Variants in MYOM2 observed in about 807,000 individuals in gnomAD.
MYOM2 encodes myomesin 2, also known as myomesin-2.
MYOM2 carries 254 observed loss-of-function variants against 187.6 expected under a neutral mutation model. The observed-to-expected ratio is 1.35, with a 90% CI of 1.22 to 1.50. MYOM2 has a LOEUF of 1.50. MYOM2 is among the 40% of genes most tolerant of loss of function. MYOM2 has a pLI of 0.00. For synonymous variants in MYOM2, 981 were observed against 753.8 expected, an observed-to-expected ratio of 1.30 and a Z score of -4.94; for missense variants, 2,796 against 1,924.0, an observed-to-expected ratio of 1.45 and a Z score of -8.48.
intron 14 of MYOM2, among the ~76,000 whole-genome samples, chr8:2,086,899 C>T (rs370863773): frequency 1.8e-4 from 28 of 152,112 alleles, no homozygotes; most frequent in Admixed American, 9.8e-4. Context: ...GCACACAAGA[C>T]GCAGAAGGGT....
intron 6 of MYOM2, among the ~76,000 whole-genome samples, chr8:2,066,325 C>T (rs1819018616): frequency 6.6e-6 from 1 of 152,176 alleles, no homozygotes; most frequent in Non-Finnish European, 1.5e-5. Context: ...TCAGCAGATT[C>T]CGATCAAGCA....
intron 31 of MYOM2, among the ~76,000 whole-genome samples, chr8:2,127,021 G>C (rs1222110191): frequency 6.6e-6 from 1 of 151,792 alleles, no homozygotes; most frequent in East Asian, 1.9e-4. Flanking sequence ...TAGAGGCTGG[G>C]GGAGCTGCTT....
intron 31 of MYOM2, chr8:2,127,809 G>GGC (rs1797709409): frequency 6.3e-6 from 1 of 158,858 alleles, no homozygotes; most frequent in Non-Finnish European, 1.4e-5. Flanking sequence ...CAGCCGGAGA[G>GGC]AGCTTCACGC....
At chr8:2,100,625 G>A (rs569160862) in intron 19 of MYOM2, 3 of 496,622 alleles carry the variant, frequency 6.0e-6, no homozygotes, top group African/African-American at 1.9e-5. Flanking sequence ...CGAGAATGCA[G>A]TGTGGACTTC....
intron 3 of MYOM2, among the ~76,000 whole-genome samples, 172 bp downstream of exon 3, chr8:2,052,485 T>A (rs1000279573): frequency 2.6e-5 from 4 of 152,212 alleles, no homozygotes; most frequent in Admixed American, 1.3e-4. Flanking sequence ...TGCTTCTCTT[T>A]ACCATCATTA....
At chr8:2,129,386 G>A (rs1229618509) in intron 32 of MYOM2, among the ~76,000 whole-genome samples, 154 bp downstream of exon 32, 1 of 152,158 alleles carries the variant, frequency 6.6e-6, no homozygotes, top group African/African-American at 2.4e-5. Flanking sequence ...TTTAGCTCAG[G>A]GAAGGGGGCC....
At chr8:2,086,591 G>C (rs372490019) in intron 14 of MYOM2, among the ~76,000 whole-genome samples, 1 of 151,214 alleles carries the variant, frequency 6.6e-6, no homozygotes, top group Non-Finnish European at 1.5e-5. Flanking sequence ...ACCCTGCACC[G>C]TTGCTGGGGA....
At chr8:2,086,462 G>A (rs1305612751) in intron 14 of MYOM2, among the ~76,000 whole-genome samples, 7 of 147,860 alleles carry the variant, frequency 4.7e-5, no homozygotes, top group South Asian at 2.1e-4. Context: ...TGATCTCCAC[G>A]TGGCCACACA....
intron 17 of MYOM2, among the ~76,000 whole-genome samples, chr8:2,094,546 A>G (rs1006387074): frequency 6.6e-6 from 1 of 152,114 alleles, no homozygotes; most frequent in Non-Finnish European, 1.5e-5. Flanking sequence ...CAGCTACTCG[A>G]TAGGCTGAGG....
intron 14 of MYOM2, among the ~76,000 whole-genome samples, chr8:2,086,538 G>GGCCACACA (rs1796081909): frequency 1.2e-5 from 1 of 80,262 alleles, no homozygotes; most frequent in Non-Finnish European, 3.2e-5. Context: ...TGTCGTGTTT[G>GGCCACACA]CTGTGTTTTA....
chr8:2,050,712 T>C (rs143522808), intron 1 of MYOM2, 43 bp from the exon 2 acceptor site: 1 of 1,222,926 alleles, frequency 8.2e-7, no homozygotes, highest in Non-Finnish European at 1.2e-6. Context: ...GGCCTCATGA[T>C]GCTTGCGAGG....
At position 2,130,961 on chromosome 8, in the gene MYOM2, T is replaced by G. The variant is rs142697416; in HGVS notation, c.3800+1729T>G. Among the ~76,000 whole-genome samples the G allele has an allele frequency of 4.7e-3, 715 of 152,368 alleles. 13 individuals carry two copies. Among genetic ancestry groups the G allele is most frequent in the East Asian group, 0.044 (228 of 5,188 alleles). Reference sequence around the variant, plus strand: ...TCCTTCTTATTTACAGCATATTGTCTTGCTGTAAGTTGTACACACTTGCAA... The same window carrying G: ...TCCTTCTTATTTACAGCATATTGTCGTGCTGTAAGTTGTACACACTTGCAA... On this transcript the variant is annotated intron_variant, in intron 32 of 36. Coordinates refer to ENST00000262113, the MANE Select transcript of MYOM2 (RefSeq NM_003970.4).
chr8:2,057,998 G>GTTTTTTTTTTTTTTTTTT (rs572901199), intron 5 of MYOM2, among the ~76,000 whole-genome samples: 1 of 80,716 alleles, frequency 1.2e-5, no homozygotes, highest in African/African-American at 4.8e-5. Flanking sequence ...TTTTCAGAGG[G>GTTTTTTTTTTTTTTTTTT]TTTTTTTTTT....
intron 32 of MYOM2, among the ~76,000 whole-genome samples, chr8:2,131,091 C>T (rs1797849219): frequency 6.6e-6 from 1 of 152,126 alleles, no homozygotes; most frequent in African/African-American, 2.4e-5. Flanking sequence ...TGTGCTGGGT[C>T]TGGGGGGTAC....
intron 16 of MYOM2, 73 bp downstream of exon 16, chr8:2,092,593 G>T (rs1358254495): frequency 3.4e-6 from 5 of 1,483,910 alleles, no homozygotes; most frequent in Non-Finnish European, 2.7e-6. Flanking sequence ...CTGTGGCCCT[G>T]GCACAGGGAG....
chr8:2,059,075 C>A lies in MYOM2; in HGVS notation c.561-78C>A, dbSNP rs1263161960. The A allele has an allele frequency of 1.3e-5, 16 of 1,226,950 alleles. No homozygotes were observed. The South Asian group carries it at 1.9e-4, about 15-fold the overall frequency. 76.0% of individuals were successfully genotyped at this position (1,226,950 alleles called of 1,614,324 possible). A position where few individuals can be genotyped will look rare whatever the true frequency, so the allele number is the denominator to read the frequency against. On this transcript the variant is annotated intron_variant, in intron 5 of 36. Transcript: ENST00000262113. Reference sequence around the variant, plus strand: ...AACCTGCAGAAATGGGCAGCAGGCGCGGGGGAGCTGGGGCAGAATTGCACA... The same window carrying A: ...AACCTGCAGAAATGGGCAGCAGGCGAGGGGGAGCTGGGGCAGAATTGCACA...
At chr8:2,086,495 C>CCCACTGTTGTGATCTCTGCGTGGCCT (rs1796075654) in intron 14 of MYOM2, among the ~76,000 whole-genome samples, 1 of 77,126 alleles carries the variant, frequency 1.3e-5, no homozygotes. Flanking sequence ...CTGTGTGGCC[C>CCCACTGTTGTGATCTCTGCGTGGCCT]CCCACTGTCG....
intron 6 of MYOM2, among the ~76,000 whole-genome samples, chr8:2,062,334 C>T (rs1438481526): frequency 6.6e-6 from 1 of 152,194 alleles, no homozygotes; most frequent in Non-Finnish European, 1.5e-5. Flanking sequence ...GCTGCAGGGC[C>T]TGGCAGGCCT....
rs1796999786 is a variant in MYOM2, at chr8:2,109,513, A to C, written c.3162A>C (p.Arg1054Ser). The C allele has an allele frequency of 1.2e-6, 2 of 1,612,080 alleles. No homozygotes were observed. Among genetic ancestry groups the C allele is most frequent in the African/African-American group, 1.3e-5 (1 of 74,772 alleles). ...DASYRFIIND[R>S]EVSDSEIHRI... ...GCTACCGATTTATTATTAACGACAG[A>C]GAAGTCTCTGACAGCGAGGTGAGTT... The change falls in exon 25 of 37, where the codon AGA becomes AGC. Residue 1054 changes from arginine (R) to serine (S), a missense_variant. By Grantham distance (110) the Arg-to-Ser change is moderately radical (BLOSUM62 -1). Coordinates refer to ENST00000262113, the MANE Select transcript of MYOM2 (RefSeq NM_003970.4).
Sources: gnomAD v4.1 joint callset for allele counts (sites outside exome capture counted in the v4.1 genomes callset) on GRCh38, gnomAD v4.1.1 for gene constraint, MANE v1.5 for transcripts, NCBI Gene and HGNC (gene_info 2026-07-23, HGNC 2026-07-21) for gene names.